Variants in MYO16 observed in about 807,000 individuals in gnomAD.
MYO16 encodes the protein myosin XVI, also known as unconventional myosin-XVI.
Under a neutral mutation model 205.3 loss-of-function variants are expected in MYO16, and 94 were observed. The ratio of observed to expected loss-of-function variants is 0.46; its 90% confidence interval spans 0.39 to 0.54. The LOEUF (loss-of-function observed/expected upper bound fraction) is 0.54. Ranked by LOEUF, MYO16 falls within the 20% of genes least tolerant of loss-of-function variation. The pLI, the probability that MYO16 is intolerant of heterozygous loss-of-function variation, is 0.00. For missense variants in MYO16, 2,315 were observed against 2,387.5 expected, an observed-to-expected ratio of 0.97 and a Z score of 0.63; for synonymous variants, 988 against 954.0, an observed-to-expected ratio of 1.04 and a Z score of -0.66.
At chr13:108,691,100 T>C (rs1485354332) in intron 2 of MYO16, among the ~76,000 whole-genome samples, 1 of 152,236 alleles carries the variant, frequency 6.6e-6, no homozygotes, top group Non-Finnish European at 1.5e-5. Context: ...TGCTCTTTCA[T>C]GTGTCCCAGT....
intron 5 of MYO16, among the ~76,000 whole-genome samples, chr13:108,792,355 C>A (rs947597990): frequency 6.6e-6 from 1 of 152,074 alleles, no homozygotes; most frequent in African/African-American, 2.4e-5. Context: ...CTAAAGACAG[C>A]GCAGAGTTCC....
At chr13:108,685,387 C>A (rs1028704767) in intron 2 of MYO16, among the ~76,000 whole-genome samples, 1 of 152,132 alleles carries the variant, frequency 6.6e-6, no homozygotes, top group African/African-American at 2.4e-5. Flanking sequence ...GAACTGGCAT[C>A]TGAAATGGGA....
chr13:109,108,621 G>A (rs1047932230), intron 28 of MYO16, among the ~76,000 whole-genome samples: 1 of 152,174 alleles, frequency 6.6e-6, no homozygotes, highest in Non-Finnish European at 1.5e-5. Context: ...CAGTCTGCTG[G>A]GGGAGAAACA....
intron 1 of MYO16, among the ~76,000 whole-genome samples, chr13:108,640,788 A>ACAAC (rs1880471850): frequency 6.6e-6 from 1 of 152,216 alleles, no homozygotes; most frequent in African/African-American, 2.4e-5. Context: ...AACGGTAACG[A>ACAAC]CAACCATAAG....
chr13:108,942,569 T>C (rs1021032591), intron 16 of MYO16, among the ~76,000 whole-genome samples: 1 of 152,252 alleles, frequency 6.6e-6, no homozygotes, highest in African/African-American at 2.4e-5. Flanking sequence ...ATCATTGATA[T>C]TGTGCATATC....
intron 16 of MYO16, among the ~76,000 whole-genome samples, chr13:108,944,450 A>G (rs999291818): frequency 6.6e-6 from 1 of 152,200 alleles, no homozygotes; most frequent in East Asian, 1.9e-4. Flanking sequence ...TGTGTAATTT[A>G]ATTTCCACCC....
At chr13:108,683,673 A>G (rs892702543) in intron 2 of MYO16, among the ~76,000 whole-genome samples, 4 of 152,224 alleles carry the variant, frequency 2.6e-5, no homozygotes, top group African/African-American at 9.6e-5. Context: ...TATAAAGAAA[A>G]AGAATTACCT....
chr13:109,177,449 C>T (rs551842109), intron 33 of MYO16, among the ~76,000 whole-genome samples: 1 of 152,166 alleles, frequency 6.6e-6, no homozygotes, highest in Admixed American at 6.5e-5. Context: ...AGCTTATACC[C>T]TTTCAACTGA....
chr13:109,023,695 GTA>G (rs1491381158), intron 23 of MYO16, among the ~76,000 whole-genome samples: 1 of 113,460 alleles, frequency 8.8e-6, no homozygotes, highest in Non-Finnish European at 1.8e-5. Context: ...ACATATATAT[GTA>G]TATATGTATA....
intron 23 of MYO16, among the ~76,000 whole-genome samples, chr13:109,023,051 A>G (rs118106246): frequency 0.33 from 43,211 of 132,498 alleles, 7,820 homozygotes; most frequent in Non-Finnish European, 0.4. Flanking sequence ...ACACACATGT[A>G]AGTATATGTT....
At chr13:108,741,348 T>TA (rs1372694421) in intron 4 of MYO16, among the ~76,000 whole-genome samples, 2 of 152,288 alleles carry the variant, frequency 1.3e-5, no homozygotes, top group East Asian at 3.9e-4. Context: ...GAATGAAGAC[T>TA]AACACATATA....
At chr13:108,838,770 G>GCACACA (rs71125345) in intron 9 of MYO16, among the ~76,000 whole-genome samples, 2,553 of 145,386 alleles carry the variant, frequency 0.018, 63 homozygotes, top group Middle Eastern at 0.046. Context: ...ACACACAAAT[G>GCACACA]CACACACACA....
At chr13:108,717,063 T>G (rs1265148666) in intron 3 of MYO16, among the ~76,000 whole-genome samples, 1 of 132,064 alleles carries the variant, frequency 7.6e-6, no homozygotes, top group Non-Finnish European at 1.6e-5. Context: ...AAACCTTAGA[T>G]TTAACTCTTT....
chr13:108,537,405 T>G, the MYO16 span, among the ~76,000 whole-genome samples: 1 of 152,304 alleles, frequency 6.6e-6, no homozygotes, highest in African/African-American at 2.4e-5. Flanking sequence ...CATCAGTTGA[T>G]GGACACTTAG....
chr13:108,516,330 C>T, the MYO16 span, among the ~76,000 whole-genome samples: 12 of 151,804 alleles, frequency 7.9e-5, no homozygotes, highest in Admixed American at 4.6e-4. Context: ...CGCCCTGCTT[C>T]GGCTCGCGCA....
intron 28 of MYO16, among the ~76,000 whole-genome samples, chr13:109,117,847 G>A (rs157039): frequency 0.2 from 30,727 of 152,018 alleles, 3,757 homozygotes; most frequent in East Asian, 0.58. Context: ...CAAATTTCAA[G>A]AAATATTTTT....
At chr13:108,804,996 T>C (rs558965910) in intron 6 of MYO16, among the ~76,000 whole-genome samples, 24 of 152,316 alleles carry the variant, frequency 1.6e-4, no homozygotes, top group African/African-American at 5.3e-4. Context: ...AACCAGAAAA[T>C]TGATTCATTC....
At chr13:108,781,908 A>G (rs1411391676) in intron 4 of MYO16, among the ~76,000 whole-genome samples, 1 of 152,158 alleles carries the variant, frequency 6.6e-6, no homozygotes, top group Non-Finnish European at 1.5e-5. Context: ...ACCTCCTGCC[A>G]TGATTCTGAC....
At chr13:108,945,415 T>C (rs1042984287) in intron 16 of MYO16, among the ~76,000 whole-genome samples, 3 of 152,158 alleles carry the variant, frequency 2.0e-5, no homozygotes, top group African/African-American at 7.2e-5. Flanking sequence ...AACTAGCGTT[T>C]CTTATTGAAA....
Sources: allele counts gnomAD v4.1 joint callset (sites outside exome capture counted in the v4.1 genomes callset), GRCh38; gene constraint gnomAD v4.1.1; transcripts MANE v1.5; gene names NCBI Gene and HGNC (gene_info 2026-07-23, HGNC 2026-07-21).